The following TRIB2 variants were observed in gnomAD, a reference collection of about 807,000 sequenced individuals.
TRIB2 encodes tribbles homolog 2.
TRIB2 carries 2 observed loss-of-function variants against 26.8 expected under a neutral mutation model. That is an observed-to-expected ratio of 0.07 (90% CI 0.03 to 0.24). The LOEUF (loss-of-function observed/expected upper bound fraction) is 0.24, where lower values mean the gene tolerates loss of function less well. Ranked by LOEUF, TRIB2 falls within the 10% of genes least tolerant of loss-of-function variation. The probability of loss-of-function intolerance (pLI) is 1.00; values close to 1 mark genes in which losing one functional copy is unlikely to be tolerated. For synonymous variants in TRIB2, 189 were observed against 187.3 expected (o/e 1.01, Z -0.08); for missense variants, 306 against 449.0 (o/e 0.68, Z 2.88).
At chr2:12,723,577 G>A in intron 2 of TRIB2, 25 bp downstream of exon 2, 3 of 1,605,668 alleles carry the variant, frequency 1.9e-6, no homozygotes, top group Non-Finnish European at 2.6e-6. Context: ...GTCCAGACCT[G>A]GGTACTGTGA....
rs1041138112 is a variant in TRIB2 at position 12,741,792 on chromosome 2, A to T, written c.*998A>T. The T allele has an allele frequency of 6.6e-6, 1 of 152,666 alleles. No homozygotes were observed. Among genetic ancestry groups the T allele is most frequent in the Non-Finnish European group, 1.5e-5 (1 of 68,048 alleles). 9.5% of individuals were successfully genotyped at this position (152,666 alleles called of 1,614,324 possible). A position where few individuals can be genotyped will look rare whatever the true frequency, so the allele number is the denominator to read the frequency against. On this transcript the variant is annotated 3_prime_UTR_variant, in exon 3 of 3. Transcript: ENST00000155926. ...CAAAGCAGGTTGTCCCACATGTATA[A>T]AATACAGGGCAGCTATTTAGTTTTC...
intron 1 of TRIB2, among the ~76,000 whole-genome samples, chr2:12,721,602 A>G (rs1261899215): frequency 6.6e-6 from 1 of 152,214 alleles, no homozygotes; most frequent in Non-Finnish European, 1.5e-5. Flanking sequence ...CTCTTGGGTC[A>G]TCATTTGACA....
intron 2 of TRIB2, among the ~76,000 whole-genome samples, chr2:12,727,643 G>A (rs575731743): frequency 5.1e-4 from 77 of 152,234 alleles, no homozygotes; most frequent in African/African-American, 1.7e-3. Flanking sequence ...TTGGACTGCT[G>A]CTTCTCCTTC....
At chr2:12,726,982 C>G (rs933829493) in intron 2 of TRIB2, among the ~76,000 whole-genome samples, 4 of 152,182 alleles carry the variant, frequency 2.6e-5, no homozygotes, top group Admixed American at 6.5e-5. Context: ...TCCGGTCCCC[C>G]ACTGGTGGTT....
chr2:12,740,351 G>C lies in TRIB2; in HGVS notation c.589G>C (p.Glu197Gln), dbSNP rs751324639. ...ERTRVKLESLEDAYILRGDDD... is the reference protein window; with the variant it reads ...ERTRVKLESLQDAYILRGDDD... ...GACTCGGGTCAAGCTGGAAAGCCTGGAAGACGCCTACATTCTGCGGGGAGA... is the reference window on the plus strand; with the variant it reads ...GACTCGGGTCAAGCTGGAAAGCCTGCAAGACGCCTACATTCTGCGGGGAGA... The change falls in exon 3 of 3, where the codon GAA (glutamate) becomes CAA (glutamine). Residue 197 changes from glutamate to glutamine, a missense_variant. Glu to Gln is a conservative substitution (Grantham distance 29, BLOSUM62 2). Coordinates refer to ENST00000155926, the MANE Select transcript of TRIB2 (RefSeq NM_021643.4). This position sits in a 1 kb window ranked among gnomAD's most constrained non-coding sequence, Gnocchi z 5.8. The C allele has an allele frequency of 1.9e-6, 3 of 1,613,952 alleles. No individual in the cohort carries two copies. Among genetic ancestry groups the C allele is most frequent in the East Asian group, 4.5e-5 (2 of 44,874 alleles).
intron 1 of TRIB2, among the ~76,000 whole-genome samples, chr2:12,719,572 GA>G (rs1558314144): frequency 1.7e-5 from 2 of 120,488 alleles, no homozygotes; most frequent in African/African-American, 7.0e-5. Context: ...TAGATTTGCT[GA>G]CTGTTTTTTT....
At chr2:12,728,186 T>G (rs1661373880) in intron 2 of TRIB2, among the ~76,000 whole-genome samples, 1 of 116,050 alleles carries the variant, frequency 8.6e-6, no homozygotes, top group African/African-American at 4.6e-5. Flanking sequence ...AATAACAACA[T>G]GGCTTCCATC....
At chr2:12,731,128 A>G (rs1188159490) in intron 2 of TRIB2, among the ~76,000 whole-genome samples, 2 of 152,206 alleles carry the variant, frequency 1.3e-5, no homozygotes, top group Non-Finnish European at 2.9e-5. Context: ...TTTAGCTGTA[A>G]GCATTATTTA....
chr2:12,724,978 A>C (rs1184970791), intron 2 of TRIB2, among the ~76,000 whole-genome samples: 2 of 152,238 alleles, frequency 1.3e-5, no homozygotes, highest in African/African-American at 2.4e-5. Flanking sequence ...CCATAAGGTT[A>C]AAGTTTAATT....
chr2:12,740,758 C>T lies in TRIB2; in HGVS notation c.996C>T (p.Val332=). Residue 332 remains valine, a synonymous_variant, in exon 3 of 3, where the codon GTC becomes GTT. Coordinates refer to ENST00000155926, the MANE Select transcript of TRIB2 (RefSeq NM_021643.4). This position sits in a 1 kb window ranked among gnomAD's most constrained non-coding sequence, Gnocchi z 5.8. ...KEVSDQLVPD[V]NMEENLDPFF... is the part of the protein sequence containing the mutation. ...TGTCTGACCAGCTGGTGCCGGACGT[C>T]AACATGGAAGAGAACTTGGACCCTT... is the stretch of plus-strand genomic sequence containing the variant. The T allele has an allele frequency of 1.2e-6, 2 of 1,614,128 alleles. No individual in the cohort carries two copies. The highest frequency in any genetic ancestry group is 1.7e-6 in the Non-Finnish European group (2 of 1,180,026).
Position 12,742,665 on chromosome 2 carries a change from G to T in TRIB2, c.*1871G>T, listed in dbSNP as rs1423225015. ...GGGGATCTATGGCCTCTGGTGCTTT[G>T]TCCTGTATTTGGTTTAATGTTTTTG... On this transcript the variant is annotated 3_prime_UTR_variant, in exon 3 of 3. Transcript: ENST00000155926. 1 of 150,936 alleles carries T rather than the reference G, an allele frequency of 6.6e-6. No individual in the cohort carries two copies. Among genetic ancestry groups the T allele is most frequent in the Admixed American group, 6.7e-5 (1 of 15,004 alleles). The allele number at this position is 150,936 out of a possible 1,614,324, so 9.3% of individuals were successfully genotyped here.
At chr2:12,724,486 A>G (rs1572479281) in intron 2 of TRIB2, 6 of 1,377,932 alleles carry the variant, frequency 4.4e-6, no homozygotes, top group Non-Finnish European at 5.9e-6. Flanking sequence ...TAGTTCCTGA[A>G]TGAGGCCCCA....
At position 12,740,995 on chromosome 2, in the gene TRIB2, G is replaced by A. The variant is rs1661699734; in HGVS notation, c.*201G>A. On this transcript the variant is annotated 3_prime_UTR_variant, in exon 3 of 3. Coordinates refer to ENST00000155926, the MANE Select transcript of TRIB2 (RefSeq NM_021643.4). The surrounding 1 kb of genome is among the most constrained non-coding windows in gnomAD (Gnocchi z 5.8). ...AGAGGCGTGGGATGGGGATTGGGGTGAGATGGATGGGAGCCCGCTGGAGCT... is the reference window on the plus strand; with the variant it reads ...AGAGGCGTGGGATGGGGATTGGGGTAAGATGGATGGGAGCCCGCTGGAGCT... 8 of 582,114 alleles carry A rather than the reference G, an allele frequency of 1.4e-5. No individual in the cohort carries two copies. The East Asian group carries it at 1.7e-4, about 13-fold the overall frequency. 36.1% of individuals were successfully genotyped at this position (582,114 alleles called of 1,614,324 possible). A position where few individuals can be genotyped will look rare whatever the true frequency, so the allele number is the denominator to read the frequency against.
chr2:12,730,509 G>A (rs1047271564), intron 2 of TRIB2, among the ~76,000 whole-genome samples: 3 of 152,212 alleles, frequency 2.0e-5, no homozygotes, highest in African/African-American at 7.2e-5. Context: ...CTCAGCTCAC[G>A]ACTCAGTTTT....
chr2:12,738,805 C>G (rs1661644005), intron 2 of TRIB2, among the ~76,000 whole-genome samples: 1 of 152,134 alleles, frequency 6.6e-6, no homozygotes, highest in Non-Finnish European at 1.5e-5. Context: ...TCCTGGCCCT[C>G]ACAGTAGATT....
At chr2:12,728,256 C>G (rs560986010) in intron 2 of TRIB2, among the ~76,000 whole-genome samples, 3 of 151,590 alleles carry the variant, frequency 2.0e-5, no homozygotes, top group African/African-American at 4.8e-5. Context: ...CAGCCATCAG[C>G]AGACGGGAGC....
intron 1 of TRIB2, among the ~76,000 whole-genome samples, chr2:12,720,994 A>T (rs968240283): frequency 3.3e-5 from 5 of 152,150 alleles, no homozygotes. Flanking sequence ...GTCACATTAC[A>T]TAACCAAGGC....
In TRIB2 at chr2:12,718,847, C is replaced by T. The variant is rs1204859531; in HGVS notation, c.270+270C>T. On this transcript the variant is annotated intron_variant, in intron 1 of 2. Transcript: ENST00000155926. The surrounding 1 kb of genome is among the most constrained non-coding windows in gnomAD (Gnocchi z 4.0). ...CGCGGGGGCCACGGACACGCGTGCACCGAAGGCTCCAGGAGCTCTCTGCGC... is the reference window on the plus strand; with the variant it reads ...CGCGGGGGCCACGGACACGCGTGCATCGAAGGCTCCAGGAGCTCTCTGCGC... Among the ~76,000 whole-genome samples the T allele has an allele frequency of 6.6e-6, 1 of 152,092 alleles. No individual in the cohort carries two copies. The highest frequency in any genetic ancestry group is 1.5e-5 in the Non-Finnish European group (1 of 68,012).
At position 12,717,910 on chromosome 2, in the gene TRIB2, C is replaced by T; in HGVS notation, c.-398C>T. The T allele has an allele frequency of 4.1e-6, 1 of 242,370 alleles. No individual in the cohort carries two copies. The allele number at this position is 242,370 out of a possible 1,614,324, so 15.0% of individuals were successfully genotyped here. A position where few individuals can be genotyped will look rare whatever the true frequency, so the allele number is the denominator to read the frequency against. ...ACCGCGGGCTCCTCCGCCCCGTCTG[C>T]GATTCGGAAGCCGGCCTGGGGGTCG... On this transcript the variant is annotated 5_prime_UTR_variant, in exon 1 of 3. Coordinates refer to ENST00000155926, the MANE Select transcript of TRIB2 (RefSeq NM_021643.4). The surrounding 1 kb of genome is among the most constrained non-coding windows in gnomAD (Gnocchi z 4.8).
Sources: allele counts gnomAD v4.1 joint callset (sites outside exome capture counted in the v4.1 genomes callset), GRCh38; gene constraint gnomAD v4.1.1; non-coding constraint Gnocchi (gnomAD v3.1); transcripts MANE v1.5; gene names NCBI Gene and HGNC (gene_info 2026-07-23, HGNC 2026-07-21).